Variants in MORC3 observed in about 807,000 individuals in gnomAD.
MORC3 encodes the protein MORC family CW-type zinc finger protein 3.
A neutral mutation model predicts 109.1 loss-of-function variants in MORC3; 31 were observed. The observed-to-expected ratio is 0.28, with a 90% CI of 0.21 to 0.38. The LOEUF is 0.38. MORC3 is among the 10% of genes least tolerant of loss of function. MORC3 has a pLI of 1.00. For missense variants in MORC3, 867 were observed against 1,135.8 expected, an observed-to-expected ratio of 0.76 and a Z score of 3.40; for synonymous variants, 395 against 380.7, an observed-to-expected ratio of 1.04 and a Z score of -0.44.
intron 10 of MORC3, among the ~76,000 whole-genome samples, chr21:36,358,552 T>C (rs146982491): frequency 1.8e-3 from 268 of 152,142 alleles, no homozygotes; most frequent in African/African-American, 6.0e-3. Flanking sequence ...ACTCAGGAGT[T>C]GGAGACCAGG....
intron 9 of MORC3, among the ~76,000 whole-genome samples, chr21:36,349,909 A>T (rs1332941816): frequency 6.6e-6 from 1 of 152,180 alleles, no homozygotes. Flanking sequence ...GGCACAGCTG[A>T]AGCTCCTCTG....
At position 36,329,172 on chromosome 21, in the gene MORC3, G is replaced by A. The variant is rs558454413; in HGVS notation, c.40-4474G>A. Among the ~76,000 whole-genome samples the A allele has an allele frequency of 7.9e-5, 12 of 152,194 alleles. No homozygotes were observed. In the East Asian group the frequency reaches 1.7e-3, roughly 22 times the overall value. ...TAGCTGGGCGTGGTGGCAGTTGCCT[G>A]TAATCTCAGCTACTTGGGAAGCTGT... On this transcript the variant is annotated intron_variant, in intron 1 of 16. Coordinates refer to ENST00000400485, the MANE Select transcript of MORC3 (RefSeq NM_015358.3).
rs755091170 is a variant in MORC3 at position 36,360,268 on chromosome 21, G to A, written c.1406+10G>A. 133 of 1,607,370 alleles carry A rather than the reference G, an allele frequency of 8.3e-5. No individual in the cohort carries two copies. Among genetic ancestry groups the A allele is most frequent in the Admixed American group, 4.0e-4 (24 of 59,970 alleles). On this transcript the variant is annotated intron_variant, in intron 12 of 16. Coordinates refer to ENST00000400485, the MANE Select transcript of MORC3 (RefSeq NM_015358.3). ...AAACCTACAAAAAGACGTGAGTGTTGTATTGATGTATAGTGGGTAATAATG... is the reference window on the plus strand; with the variant it reads ...AAACCTACAAAAAGACGTGAGTGTTATATTGATGTATAGTGGGTAATAATG...
intron 1 of MORC3, chr21:36,333,375 C>A: frequency 2.3e-6 from 1 of 426,242 alleles, no homozygotes; most frequent in Non-Finnish European, 4.2e-6. Flanking sequence ...AGGTATGTCC[C>A]TATTTGGGAT....
intron 16 of MORC3, 68 bp downstream of exon 16, chr21:36,372,599 T>C (rs1357008279): frequency 2.1e-6 from 3 of 1,425,092 alleles, no homozygotes; most frequent in Non-Finnish European, 2.8e-6. Flanking sequence ...TTTTATCTGC[T>C]AGCACCCATC....
intron 15 of MORC3, among the ~76,000 whole-genome samples, chr21:36,370,631 ATATATATATTTTTTTTTTTTT>A (rs1242733939): frequency 1.3e-4 from 3 of 23,812 alleles, no homozygotes; most frequent in African/African-American, 2.6e-4. Flanking sequence ...ATATATATAT[ATATATATATTTTTTTTTTTTT>A]TTTTTTTTTT....
Position 36,344,878 on chromosome 21 carries a change from G to T in MORC3, c.886-34G>T, listed in dbSNP as rs1232731952. 3.7e-6 allele frequency: 6 copies of T among 1,609,508 alleles called. No individual in the cohort carries two copies. The African/African-American group carries it at 8.0e-5, about 22-fold the overall frequency. ...GAAAGGATGATTTGAACTGAGTGAGGTGTTGTGTTCAAAATTTACCTTAAT... is the reference window on the plus strand; with the variant it reads ...GAAAGGATGATTTGAACTGAGTGAGTTGTTGTGTTCAAAATTTACCTTAAT... On this transcript the variant is annotated intron_variant, in intron 7 of 16. Transcript: ENST00000400485.
At chr21:36,327,870 C>G (rs964075610) in intron 1 of MORC3, among the ~76,000 whole-genome samples, 3 of 151,340 alleles carry the variant, frequency 2.0e-5, no homozygotes, top group African/African-American at 7.3e-5. Flanking sequence ...AAAACAGTGG[C>G]CTCCTTTTTT....
chr21:36,333,910 G>A (rs946016891), intron 2 of MORC3, among the ~76,000 whole-genome samples, 192 bp downstream of exon 2: 2 of 151,790 alleles, frequency 1.3e-5, no homozygotes, highest in South Asian at 4.2e-4. Context: ...AGCCTCCTGA[G>A]TAGCTGGGAC....
chr21:36,334,331 T>A (rs2146295770), intron 2 of MORC3, among the ~76,000 whole-genome samples: 1 of 152,350 alleles, frequency 6.6e-6, no homozygotes, highest in Admixed American at 6.5e-5. Flanking sequence ...GTCAGATTAG[T>A]CACTGTTCAG....
Position 36,327,717 on chromosome 21 carries a change from C to T in MORC3, c.40-5929C>T, listed in dbSNP as rs1438596470. 3.3e-5 allele frequency among the ~76,000 whole-genome samples: 5 copies of T among 151,174 alleles called. 1 individual carries two copies. Among genetic ancestry groups the T allele is most frequent in the East Asian group, 1.9e-4 (1 of 5,180 alleles). ...AGTTGATGACTGAAACTGACCTGTT[C>T]GGTAAATTGGCTGTTATCTCCCTTG... is the stretch of plus-strand genomic sequence containing the variant. On this transcript the variant is annotated intron_variant, in intron 1 of 16. Transcript: ENST00000400485.
At chr21:36,333,421 AG>A in intron 1 of MORC3, 1 of 555,208 alleles carries the variant, frequency 1.8e-6, no homozygotes, top group Middle Eastern at 4.8e-4. Context: ...AAAGAGGGCA[AG>A]GGTTTTGAAC....
chr21:36,351,997 A>T (rs2085578327), intron 9 of MORC3, among the ~76,000 whole-genome samples: 1 of 151,970 alleles, frequency 6.6e-6, no homozygotes, highest in African/African-American at 2.4e-5. Flanking sequence ...CTCTTATCAT[A>T]GAATTAAAAG....
chr21:36,349,500 A>G (rs2085547806), intron 9 of MORC3, 92 bp downstream of exon 9: 1 of 760,590 alleles, frequency 1.3e-6, no homozygotes, highest in Non-Finnish European at 2.0e-6. Context: ...AATCTCAGAA[A>G]TACCTTATTA....
At chr21:36,373,094 C>CT (rs2085888376) in intron 16 of MORC3, among the ~76,000 whole-genome samples, 1 of 152,268 alleles carries the variant, frequency 6.6e-6, no homozygotes, top group African/African-American at 2.4e-5. Context: ...AATTCTAGCA[C>CT]TTTGGGAGGC....
At chr21:36,358,190 A>C (rs1012031663) in intron 10 of MORC3, among the ~76,000 whole-genome samples, 2 of 151,460 alleles carry the variant, frequency 1.3e-5, no homozygotes, top group African/African-American at 2.4e-5. Context: ...TTTGAGACCC[A>C]CCTGATCAAC....
At chr21:36,343,005 G>A (rs1368530631) in intron 6 of MORC3, among the ~76,000 whole-genome samples, 3 of 151,740 alleles carry the variant, frequency 2.0e-5, no homozygotes, top group Non-Finnish European at 4.4e-5. Flanking sequence ...GGCAACAAGA[G>A]TGAAACTCTG....
Position 36,375,468 on chromosome 21 carries a change from T to C in MORC3, c.*172T>C, listed in dbSNP as rs981147835. ...CAAATATTGTGGACACATTATCTTA[T>C]GTTTTGAAATACCTGTGAATTGTTG... On this transcript the variant is annotated 3_prime_UTR_variant, in exon 17 of 17. Transcript: ENST00000400485. The C allele has an allele frequency of 7.2e-6, 4 of 555,790 alleles. No individual in the cohort carries two copies. Among genetic ancestry groups the C allele is most frequent in the African/African-American group, 3.9e-5 (2 of 51,538 alleles). 34.4% of individuals were successfully genotyped at this position (555,790 alleles called of 1,614,324 possible). A position where few individuals can be genotyped will look rare whatever the true frequency, so the allele number is the denominator to read the frequency against.
chr21:36,362,668 C>CACCT (rs2085733236), intron 13 of MORC3, among the ~76,000 whole-genome samples: 1 of 152,202 alleles, frequency 6.6e-6, no homozygotes, highest in East Asian at 1.9e-4. Context: ...TGAGCCACCA[C>CACCT]ACCTGTCCAA....
Sources: gnomAD v4.1 joint callset for allele counts (sites outside exome capture counted in the v4.1 genomes callset) on GRCh38, gnomAD v4.1.1 for gene constraint, MANE v1.5 for transcripts, NCBI Gene and HGNC (gene_info 2026-07-23, HGNC 2026-07-21) for gene names.